RP1L1: variants seen among roughly 807,000 people sequenced by gnomAD.
The protein encoded by RP1L1 is RP1 like 1.
RP1L1 carries 27 observed loss-of-function variants against 15.7 expected under a neutral mutation model. The observed-to-expected ratio is 1.72, with a 90% CI of 1.27 to 2.38. The LOEUF is 2.38. RP1L1 is among the 30% of genes most tolerant of loss of function. The pLI is 0.00. For missense variants in RP1L1, 4,798 were observed against 3,075.9 expected (o/e 1.56, Z -13.24); for synonymous variants, 1,813 against 1,276.7 (o/e 1.42, Z -8.96).
rs1338295510 is a variant in RP1L1, at chr8:10,644,463, G to A, written c.-20+10435C>T. Among the ~76,000 whole-genome samples the A allele has an allele frequency of 4.6e-5, 7 of 152,180 alleles. No individual in the cohort carries two copies. In the East Asian group the frequency reaches 1.4e-3, roughly 29 times the overall value. Reference sequence around the variant, plus strand: ...GTTGAAGGGTCACACCAGGCCACATGGGTGTAAGTCCCCCAGCCCTTAGCT... The same window carrying A: ...GTTGAAGGGTCACACCAGGCCACATAGGTGTAAGTCCCCCAGCCCTTAGCT... On this transcript the variant is annotated intron_variant, in intron 1 of 3. Coordinates refer to ENST00000382483, the MANE Select transcript of RP1L1 (RefSeq NM_178857.6).
Position 10,613,248 on chromosome 8 carries a change from G to A in RP1L1, c.850C>T (p.Pro284Ser). The change falls in exon 4 of 4, where the codon CCG becomes TCG. Residue 284 changes from proline (P) to serine (S), a missense_variant. Pro to Ser is a moderately conservative substitution (Grantham distance 74, BLOSUM62 -1). Coordinates refer to ENST00000382483, the MANE Select transcript of RP1L1 (RefSeq NM_178857.6). ...TGCCTGCCAGGAGCAGGGCCCACCG[G>A]GGGGTTGCTAGGACCAGGCCTTTCT... ...LPERPGPSNP[P>S]VGPAPGRHPQ... The A allele has an allele frequency of 6.2e-7, 1 of 1,611,918 alleles. No homozygotes were observed. The highest frequency in any genetic ancestry group is 1.1e-5 in the South Asian group (1 of 91,078).
At position 10,622,682 on chromosome 8, in the gene RP1L1, T is replaced by TC. The variant is rs1798081268; in HGVS notation, c.519dup (p.Asn174GlufsTer3). ...AGAAAGGCGGCCAGGTTCCTAGTAT[T>TC]CCTGTGACTGAGAACCACTGTCTGC... On this transcript the variant is annotated frameshift_variant, in exon 2 of 4. Coordinates refer to ENST00000382483, the MANE Select transcript of RP1L1 (RefSeq NM_178857.6). LOFTEE classifies it high-confidence loss of function. The TC allele has an allele frequency of 6.2e-7, 1 of 1,614,168 alleles. No homozygotes were observed. Among genetic ancestry groups the TC allele is most frequent in the East Asian group, 2.2e-5 (1 of 44,880 alleles).
rs371524561 is a variant in RP1L1 at position 10,609,241 on chromosome 8, G to A, written c.4857C>T (p.Phe1619=). 22 of 1,609,230 alleles carry A rather than the reference G, an allele frequency of 1.4e-5. No individual in the cohort carries two copies. Among genetic ancestry groups the A allele is most frequent in the Middle Eastern group, 3.3e-4 (2 of 6,062 alleles). The stretch of plus-strand genomic sequence containing the variant: ...GCCCCAGGCCCAGGGTCCGCTCAGA[G>A]AAGGCCGAGAGGTTTCGCAGGCCCC... ...RLRGLRNLSA[F]SERTLGLGPL... The change falls in exon 4 of 4, where the codon TTC becomes TTT. Residue 1619 remains phenylalanine (F), a synonymous_variant. Coordinates refer to ENST00000382483, the MANE Select transcript of RP1L1 (RefSeq NM_178857.6).
intron 1 of RP1L1, among the ~76,000 whole-genome samples, chr8:10,653,444 C>G (rs1276046287): frequency 6.7e-6 from 1 of 149,102 alleles, no homozygotes; most frequent in African/African-American, 2.5e-5. Flanking sequence ...TCCAAAACAC[C>G]AGGTGTCTCC....
At chr8:10,641,100 G>GT (rs1176367497) in intron 1 of RP1L1, among the ~76,000 whole-genome samples, 2 of 152,190 alleles carry the variant, frequency 1.3e-5, no homozygotes, top group Admixed American at 1.3e-4. Context: ...AATAAAATAC[G>GT]TTTTTCATAC....
In RP1L1 at chr8:10,613,107, G is replaced by A. The variant is rs1222782601; in HGVS notation, c.991C>T (p.Leu331=). 1 of 1,613,944 alleles carries A rather than the reference G, an allele frequency of 6.2e-7. No individual in the cohort carries two copies. The highest frequency in any genetic ancestry group is 1.1e-5 in the South Asian group (1 of 91,090). The change falls in exon 4 of 4, where the codon CTG becomes TTG. Residue 331 remains leucine (L), a synonymous_variant. Transcript: ENST00000382483. ...LSVEMKVRFH[L]VGEDTLLWSR... ...CATAGGAGCGTGTCCTCGCCGACCA[G>A]GTGGAAGCGGACTTTCATCTCCACG...
In RP1L1 at chr8:10,622,629, A is replaced by T. The variant is rs768782113; in HGVS notation, c.573T>A (p.Phe191Leu). Residue 191 changes from phenylalanine to leucine, a missense_variant, in exon 2 of 4, where the codon TTT (phenylalanine) becomes TTA (leucine). Phe to Leu is a conservative substitution (Grantham distance 22). Transcript: ENST00000382483. Reference sequence around the variant, plus strand: ...TGGTCGTGTACAACTGCTTCACAGGAAAGCGCAGGAGATCTGAGGCTTTGC... The same window carrying T: ...TGGTCGTGTACAACTGCTTCACAGGTAAGCGCAGGAGATCTGAGGCTTTGC... The part of the protein sequence containing the change: ...FLGKASDLLR[F>L]PVKQLYTTSG... The T allele has an allele frequency of 6.2e-7, 1 of 1,614,218 alleles. No homozygotes were observed. Among genetic ancestry groups the T allele is most frequent in the Non-Finnish European group, 8.5e-7 (1 of 1,180,040 alleles).
rs372016680 is a variant in RP1L1, at chr8:10,608,875, G to C, written c.5223C>G (p.Asp1741Glu). 6.2e-7 allele frequency: 1 copy of C among 1,613,704 alleles called. No individual in the cohort carries two copies. The highest frequency in any genetic ancestry group is 1.1e-5 in the South Asian group (1 of 91,060). ...GGCTCCCCTCGCCATCCTCACCCTCGTCCACTCCAGGCCCCTGGCTCAGCC... is the reference window on the plus strand; with the variant it reads ...GGCTCCCCTCGCCATCCTCACCCTCCTCCACTCCAGGCCCCTGGCTCAGCC... ...GPGLSQGPGVDEGEDGEGSQR... is the reference protein window; with the variant it reads ...GPGLSQGPGVEEGEDGEGSQR... The change falls in exon 4 of 4, where the codon GAC becomes GAG. Residue 1741 changes from aspartate (D) to glutamate (E), a missense_variant. Asp to Glu is a conservative substitution (Grantham distance 45, BLOSUM62 2). Coordinates refer to ENST00000382483, the MANE Select transcript of RP1L1 (RefSeq NM_178857.6).
Position 10,611,401 on chromosome 8 carries a change from C to G in RP1L1, c.2697G>C (p.Pro899=). 3 of 1,600,444 alleles carry G rather than the reference C, an allele frequency of 1.9e-6. No homozygotes were observed. The highest frequency in any genetic ancestry group is 2.6e-6 in the Non-Finnish European group (3 of 1,175,274). The change falls in exon 4 of 4, where the codon CCG becomes CCC. Residue 899 remains proline, a synonymous_variant. Coordinates refer to ENST00000382483, the MANE Select transcript of RP1L1 (RefSeq NM_178857.6). The part of the protein sequence containing the change: ...QEGTRQPGPT[P]SPGPNSGASR... The stretch of plus-strand genomic sequence containing the variant: ...ATGCCCCTGAATTGGGGCCTGGGGA[C>G]GGCGTGGGGCCTGGCTGGCGTGTCC...
intron 1 of RP1L1, among the ~76,000 whole-genome samples, chr8:10,628,711 C>A (rs1323761764): frequency 6.6e-6 from 1 of 152,172 alleles, no homozygotes; most frequent in Non-Finnish European, 1.5e-5. Context: ...AATGATAGTT[C>A]CCGTTCTGTC....
At chr8:10,637,658 A>G (rs1798349494) in intron 1 of RP1L1, among the ~76,000 whole-genome samples, 1 of 152,150 alleles carries the variant, frequency 6.6e-6, no homozygotes. Context: ...TATGCTGGAC[A>G]CTCTAGTTAA....
chr8:10,623,174 C>T lies in RP1L1; in HGVS notation c.28G>A (p.Ala10Thr), dbSNP rs1261310706. 4 of 1,571,902 alleles carry T rather than the reference C, an allele frequency of 2.5e-6. No individual in the cohort carries two copies. Among genetic ancestry groups the T allele is most frequent in the African/African-American group, 1.3e-5 (1 of 74,254 alleles). ...AGGAAGCACTCACGGTGGCTCGGGG[C>T]CTGGGCATTCCTGGGGGTGCTGTTC... MNSTPRNAQ[A>T]PSHRECFLPS... Residue 10 changes from alanine (A) to threonine (T), a missense_variant, in exon 2 of 4, where the codon GCC becomes ACC. By Grantham distance (58) the Ala-to-Thr change is moderately conservative. Coordinates refer to ENST00000382483, the MANE Select transcript of RP1L1 (RefSeq NM_178857.6).
At chr8:10,622,323 A>G (rs1344766770) in intron 2 of RP1L1, among the ~76,000 whole-genome samples, 7 of 150,672 alleles carry the variant, frequency 4.6e-5, no homozygotes, top group Non-Finnish European at 1.0e-4. Context: ...TCCATCTCGA[A>G]AAAAACAAAG....
intron 1 of RP1L1, among the ~76,000 whole-genome samples, chr8:10,647,389 G>C (rs972003225): frequency 6.6e-6 from 1 of 152,124 alleles, no homozygotes; most frequent in Non-Finnish European, 1.5e-5. Context: ...GTACAGCCCA[G>C]TGGCATCAAG....
Position 10,608,616 on chromosome 8 carries a change from G to A in RP1L1, c.5482C>T (p.Gln1828Ter). ...AAAGGDQDPG[Q>*]SDGAEGIEAP... Reference sequence around the variant, plus strand: ...TCTATGCCTTCGGCCCCATCACTCTGTCCTGGATCTTGGTCACCTCCTGCC... The same window carrying A: ...TCTATGCCTTCGGCCCCATCACTCTATCCTGGATCTTGGTCACCTCCTGCC... The change falls in exon 4 of 4, where the codon CAG (glutamine) becomes TAG (stop). Residue 1828 changes from glutamine (Q) to a stop codon, truncating the protein, a stop_gained. Coordinates refer to ENST00000382483, the MANE Select transcript of RP1L1 (RefSeq NM_178857.6). LOFTEE classifies it low-confidence loss of function (END_TRUNC). The A allele has an allele frequency of 6.2e-7, 1 of 1,614,090 alleles. No individual in the cohort carries two copies. The highest frequency in any genetic ancestry group is 8.5e-7 in the Non-Finnish European group (1 of 1,180,008).
At chr8:10,633,942 C>T (rs1297198550) in intron 1 of RP1L1, among the ~76,000 whole-genome samples, 1 of 152,172 alleles carries the variant, frequency 6.6e-6, no homozygotes, top group African/African-American at 2.4e-5. Context: ...GGCTTCAGGA[C>T]TGCTGACACA....
At chr8:10,622,420 A>G (rs1274306211) in intron 2 of RP1L1, among the ~76,000 whole-genome samples, 173 bp downstream of exon 2, 1 of 151,954 alleles carries the variant, frequency 6.6e-6, no homozygotes, top group Admixed American at 6.6e-5. Flanking sequence ...CATGAATCAC[A>G]GCTGCTTGTT....
chr8:10,642,858 G>A (rs1458528464), intron 1 of RP1L1, among the ~76,000 whole-genome samples: 1 of 152,152 alleles, frequency 6.6e-6, no homozygotes, highest in African/African-American at 2.4e-5. Context: ...ATAATGATTA[G>A]GAAGTTGAAA....
intron 1 of RP1L1, among the ~76,000 whole-genome samples, chr8:10,631,708 G>C (rs1798255262): frequency 6.6e-6 from 1 of 152,150 alleles, no homozygotes; most frequent in Admixed American, 6.5e-5. Flanking sequence ...GCAAGCGCTG[G>C]GTTCTCTCTG....
Sources: allele counts gnomAD v4.1 joint callset (sites outside exome capture counted in the v4.1 genomes callset), GRCh38; gene constraint gnomAD v4.1.1; transcripts MANE v1.5; gene names NCBI Gene and HGNC (gene_info 2026-07-23, HGNC 2026-07-21).